RERE: variants seen among roughly 807,000 people sequenced by gnomAD.
RERE encodes arginine-glutamic acid dipeptide repeats protein.
A neutral mutation model predicts 146.1 loss-of-function variants in RERE; 40 were observed. The ratio of observed to expected loss-of-function variants is 0.27; its 90% CI spans 0.21 to 0.36. The LOEUF is 0.36. RERE is among the 10% of genes least tolerant of loss of function. The pLI, the probability that RERE is intolerant of heterozygous loss-of-function variation, is 1.00. For synonymous variants in RERE, 1,003 were observed against 866.0 expected (o/e 1.16, Z -2.78); for missense variants, 1,933 against 2,138.7 (o/e 0.90, Z 1.90).
chr1:8,519,965 G>A, intron 7 of RERE, among the ~76,000 whole-genome samples: 1 of 152,106 alleles, frequency 6.6e-6, no homozygotes, highest in African/African-American at 2.4e-5. Context: ...AGCTAGTGAA[G>A]TCCCCGTGAC....
chr1:8,773,451 T>C (rs928047921), intron 1 of RERE, among the ~76,000 whole-genome samples: 1 of 152,224 alleles, frequency 6.6e-6, no homozygotes, highest in Non-Finnish European at 1.5e-5. Flanking sequence ...CCCAGTGCTT[T>C]GGGAGGCCAA....
intron 1 of RERE, among the ~76,000 whole-genome samples, chr1:8,708,739 C>T (rs1227452800): frequency 2.6e-5 from 4 of 152,234 alleles, no homozygotes; most frequent in Admixed American, 6.5e-5. Context: ...TCCCCAGCCA[C>T]GTGGAACTGT....
intron 10 of RERE, among the ~76,000 whole-genome samples, chr1:8,471,230 A>C (rs1644679772): frequency 6.6e-6 from 1 of 152,184 alleles, no homozygotes; most frequent in Middle Eastern, 3.2e-3. Context: ...CGATCAGGAC[A>C]TCTTTCTTTC....
chr1:8,587,192 G>T (rs1472448888), intron 4 of RERE, among the ~76,000 whole-genome samples: 1 of 152,150 alleles, frequency 6.6e-6, no homozygotes, highest in East Asian at 1.9e-4. Context: ...CATAGGAAAA[G>T]TTTAAGCACA....
intron 1 of RERE, among the ~76,000 whole-genome samples, chr1:8,808,766 C>T (rs183410212): frequency 4.6e-5 from 7 of 152,200 alleles, no homozygotes; most frequent in Admixed American, 2.6e-4. Context: ...TTCAAGGAGG[C>T]AAAAGACAAC....
intron 4 of RERE, among the ~76,000 whole-genome samples, chr1:8,598,803 G>C (rs1209267403): frequency 6.6e-6 from 1 of 152,236 alleles, no homozygotes; most frequent in East Asian, 1.9e-4. Flanking sequence ...TTGCTACAGA[G>C]ATCAACGTCT....
intron 1 of RERE, among the ~76,000 whole-genome samples, chr1:8,788,381 T>C (rs868370779): frequency 3.6e-4 from 54 of 150,814 alleles, no homozygotes; most frequent in Admixed American, 6.6e-4. Context: ...TTTTTTTTTT[T>C]GAGACGGAGT....
chr1:8,599,232 G>A (rs996595788), intron 4 of RERE, among the ~76,000 whole-genome samples: 6 of 152,114 alleles, frequency 3.9e-5, no homozygotes, highest in South Asian at 2.1e-4. Context: ...TTTTTCAATC[G>A]AGGAGCTGAA....
At chr1:8,743,072 C>T (rs772750432) in intron 1 of RERE, among the ~76,000 whole-genome samples, 1 of 151,886 alleles carries the variant, frequency 6.6e-6, no homozygotes, top group Non-Finnish European at 1.5e-5. Context: ...GTTTATTACA[C>T]ACTTGTTTAA....
At chr1:8,502,171 G>GC (rs1196436000) in intron 8 of RERE, among the ~76,000 whole-genome samples, 1 of 47,462 alleles carries the variant, frequency 2.1e-5, no homozygotes. Flanking sequence ...TGGTGGGTCA[G>GC]CCCCCCACCC....
intron 8 of RERE, among the ~76,000 whole-genome samples, chr1:8,507,273 T>C (rs1213209078): frequency 2.6e-5 from 4 of 152,136 alleles, no homozygotes; most frequent in Non-Finnish European, 4.4e-5. Flanking sequence ...GAGACCTGTC[T>C]CTGAAAAACG....
At chr1:8,585,796 T>C (rs78339099) in intron 4 of RERE, among the ~76,000 whole-genome samples, 3,158 of 152,302 alleles carry the variant, frequency 0.021, 107 homozygotes, top group African/African-American at 0.073. Flanking sequence ...CCTATATAAA[T>C]TGTGCAACTG....
intron 1 of RERE, among the ~76,000 whole-genome samples, chr1:8,706,477 T>C (rs1639563818): frequency 1.3e-5 from 2 of 152,192 alleles, no homozygotes; most frequent in Non-Finnish European, 2.9e-5. Flanking sequence ...GCCAAGTTCT[T>C]CCTATTACCC....
chr1:8,490,845 G>T (rs1644970993), intron 10 of RERE, among the ~76,000 whole-genome samples: 1 of 150,512 alleles, frequency 6.6e-6, no homozygotes, highest in South Asian at 2.1e-4. Flanking sequence ...TGGGGGTGTT[G>T]GAAATGTTTT....
At chr1:8,377,417 A>G (rs1194231580) in intron 12 of RERE, among the ~76,000 whole-genome samples, 1 of 151,814 alleles carries the variant, frequency 6.6e-6, no homozygotes, top group African/African-American at 2.4e-5. Flanking sequence ...AGCCTCCCAA[A>G]CCCTAAGAAT....
intron 7 of RERE, among the ~76,000 whole-genome samples, chr1:8,511,507 A>T (rs1429756435): frequency 6.6e-6 from 1 of 152,244 alleles, no homozygotes; most frequent in East Asian, 1.9e-4. Context: ...TACTATATGC[A>T]AGAGTTACAG....
intron 12 of RERE, among the ~76,000 whole-genome samples, chr1:8,391,888 A>G (rs886474810): frequency 1.3e-5 from 2 of 152,116 alleles, no homozygotes; most frequent in African/African-American, 4.8e-5. Context: ...TTGGCTGGGC[A>G]TGGTAGCAGG....
chr1:8,364,088 G>A lies in RERE; in HGVS notation c.1708C>T (p.His570Tyr), dbSNP rs767825978. Residue 570 changes from histidine (H) to tyrosine (Y), a missense_variant, in exon 15 of 23, where the codon CAT (histidine) becomes TAT (tyrosine). His to Tyr is a moderately conservative substitution (Grantham distance 83). Around this residue, in one of 11 missense-constraint regions of RERE, gnomAD observed 1,255 missense variants for 1,153.8 expected, o/e 1.09. Transcript: ENST00000400908. The surrounding 1 kb of genome is among the most constrained non-coding windows in gnomAD (Gnocchi z 5.1). Reference sequence around the variant, plus strand: ...CGACTCCGCCGTGTCCTCATGCTATGCTTCCCACTGAGCCCATCATCCTCT... The same window carrying A: ...CGACTCCGCCGTGTCCTCATGCTATACTTCCCACTGAGCCCATCATCCTCT... ...KEEDDGLSGK[H>Y]SMRTRRSRGS... 12 of 1,614,206 alleles carry A rather than the reference G, an allele frequency of 7.4e-6. No individual in the cohort carries two copies. Among genetic ancestry groups the A allele is most frequent in the Non-Finnish European group, 9.3e-6 (11 of 1,180,048 alleles).
At chr1:8,700,898 T>A (rs1426740621) in intron 1 of RERE, among the ~76,000 whole-genome samples, 1 of 152,210 alleles carries the variant, frequency 6.6e-6, no homozygotes, top group Non-Finnish European at 1.5e-5. Context: ...ATAAGTTACA[T>A]GGTTTACCAA....
Sources: gnomAD v4.1 joint callset for allele counts (sites outside exome capture counted in the v4.1 genomes callset) on GRCh38, gnomAD v4.1.1 for gene constraint, gnomAD v4.1.1 regional missense constraint, Gnocchi (gnomAD v3.1) non-coding constraint, MANE v1.5 for transcripts, NCBI Gene and HGNC (gene_info 2026-07-23, HGNC 2026-07-21) for gene names.